The following FBN1 variants were observed in gnomAD, a reference collection of about 807,000 sequenced individuals.
FBN1 encodes the protein fibrillin 1, also known as fibrillin-1.
A neutral mutation model predicts 365.1 loss-of-function variants in FBN1; 29 were observed. The observed-to-expected ratio is 0.08, with a 90% CI of 0.06 to 0.11. The LOEUF is 0.11. Among genes scored for constraint, FBN1 ranks in the 10% least tolerant of loss-of-function variants. The pLI is 1.00. For synonymous variants in FBN1, 1,210 were observed against 1,270.5 expected (o/e 0.95, Z 1.01); for missense variants, 2,476 against 3,703.2 (o/e 0.67, Z 8.60).
intron 9 of FBN1, among the ~76,000 whole-genome samples, chr15:48,521,896 G>T (rs759546016): frequency 2.0e-5 from 3 of 152,228 alleles, no homozygotes; most frequent in Non-Finnish European, 4.4e-5. Flanking sequence ...CCCCAGTTCT[G>T]GTCTGTGGCG....
At chr15:48,536,005 G>GTT (rs2044009787) in intron 7 of FBN1, among the ~76,000 whole-genome samples, 1 of 152,144 alleles carries the variant, frequency 6.6e-6, no homozygotes, top group African/African-American at 2.4e-5. Context: ...TCTGAAGACA[G>GTT]AATAAGCTCC....
intron 6 of FBN1, among the ~76,000 whole-genome samples, chr15:48,542,831 A>G (rs866434397): frequency 0.01 from 832 of 81,714 alleles, 5 homozygotes; most frequent in African/African-American, 0.044. Flanking sequence ...GTGTGTGTGT[A>G]TTTTTTTTCC....
intron 2 of FBN1, among the ~76,000 whole-genome samples, chr15:48,628,300 G>GAA (rs61447805): frequency 5.1e-5 from 6 of 117,498 alleles, no homozygotes; most frequent in Admixed American, 8.7e-5. Context: ...ATTTCTTGAA[G>GAA]AAAAAAAAAA....
chr15:48,599,107 T>C (rs1184276060), intron 5 of FBN1, among the ~76,000 whole-genome samples: 1 of 152,202 alleles, frequency 6.6e-6, no homozygotes, highest in African/African-American at 2.4e-5. Flanking sequence ...TGGCCAGTCT[T>C]GGGTATGTCT....
intron 25 of FBN1, among the ~76,000 whole-genome samples, chr15:48,489,420 G>C (rs935388927): frequency 4.6e-5 from 7 of 151,908 alleles, no homozygotes; most frequent in African/African-American, 1.5e-4. Flanking sequence ...CATGTGACCT[G>C]AGTTTCCCAC....
chr15:48,601,697 A>C (rs1325283845), intron 4 of FBN1, among the ~76,000 whole-genome samples: 1 of 152,204 alleles, frequency 6.6e-6, no homozygotes, highest in African/African-American at 2.4e-5. Flanking sequence ...AGAAAGGGAC[A>C]ATTTTTATAA....
At chr15:48,427,450 T>C in intron 58 of FBN1, 117 bp downstream of exon 58, 1 of 1,088,890 alleles carries the variant, frequency 9.2e-7, no homozygotes, top group Middle Eastern at 2.9e-4. Flanking sequence ...TTTGTTGGCC[T>C]CAGCTGTGCA....
chr15:48,463,778 T>C, intron 41 of FBN1, 121 bp downstream of exon 41: 1 of 1,125,724 alleles, frequency 8.9e-7, no homozygotes, highest in South Asian at 1.3e-5. Context: ...AACAAGACAG[T>C]GAAGGGATGC....
At chr15:48,434,484 G>T in intron 54 of FBN1, 110 bp downstream of exon 54, 2 of 1,403,152 alleles carry the variant, frequency 1.4e-6, no homozygotes, top group Non-Finnish European at 2.0e-6. Context: ...AGGCCTAGAT[G>T]ATCTTTATTA....
chr15:48,514,752 G>A (rs983187415), intron 12 of FBN1, among the ~76,000 whole-genome samples: 10 of 152,116 alleles, frequency 6.6e-5, no homozygotes, highest in Admixed American at 4.6e-4. Flanking sequence ...TAATGGTAGG[G>A]CTTTTGGTAG....
intron 17 of FBN1, among the ~76,000 whole-genome samples, chr15:48,503,396 T>C (rs181480501): frequency 7.9e-5 from 12 of 152,214 alleles, no homozygotes; most frequent in African/African-American, 2.9e-4. Context: ...AATGGCCTTT[T>C]GGAAAGCTAG....
At chr15:48,447,665 T>C (rs181719893) in intron 46 of FBN1, among the ~76,000 whole-genome samples, 3,311 of 151,264 alleles carry the variant, frequency 0.022, 67 homozygotes, top group East Asian at 0.084. Flanking sequence ...AAGGATGAAA[T>C]GAGAGAGAGA....
At position 48,463,105 on chromosome 15, in the gene FBN1, T is replaced by A. The variant is rs749878633; in HGVS notation, c.5201A>T (p.Glu1734Val). Residue 1734 changes from glutamate to valine, a missense_variant, in exon 42 of 66, where the codon GAA becomes GTA. By Grantham distance (121) the Glu-to-Val change is moderately radical. This residue lies in a region of FBN1 where 1,780 missense variants were observed against 2,840.8 expected (regional missense o/e 0.63). Transcript: ENST00000316623. ...ACCTGTACTTGGGATGGGACACTGT[T>A]CACAGGGCTTGTTCCACGCCCGGCC... is the stretch of plus-strand genomic sequence containing the variant. ...NIGRAWNKPCEQCPIPSTDEF... is the reference protein window; with the variant it reads ...NIGRAWNKPCVQCPIPSTDEF... 5.6e-6 allele frequency: 9 copies of A among 1,614,002 alleles called. No homozygotes were observed.
chr15:48,498,723 G>A (rs537088500), intron 18 of FBN1, among the ~76,000 whole-genome samples: 4 of 152,072 alleles, frequency 2.6e-5, no homozygotes, highest in East Asian at 1.9e-4. Flanking sequence ...CATCATCTGC[G>A]AGCACCCATC....
chr15:48,632,372 A>G (rs1239081884), intron 2 of FBN1, among the ~76,000 whole-genome samples: 1 of 152,232 alleles, frequency 6.6e-6, no homozygotes, highest in Non-Finnish European at 1.5e-5. Flanking sequence ...TAACAGCATT[A>G]TAATCATTCT....
intron 43 of FBN1, 63 bp from the exon 44 acceptor site, chr15:48,456,825 C>A (rs2043242653): frequency 1.4e-6 from 2 of 1,463,694 alleles, no homozygotes; most frequent in East Asian, 5.0e-5. Context: ...CAGGGTAAGA[C>A]AAGATGGAAA....
chr15:48,416,402 T>A (rs997198094), intron 63 of FBN1, among the ~76,000 whole-genome samples: 5 of 152,312 alleles, frequency 3.3e-5, no homozygotes, highest in African/African-American at 1.2e-4. Context: ...TTCTGGGAGA[T>A]GAATAATGCC....
chr15:48,507,500 G>T (rs1259499247), intron 15 of FBN1, among the ~76,000 whole-genome samples: 1 of 152,106 alleles, frequency 6.6e-6, no homozygotes, highest in African/African-American at 2.4e-5. Flanking sequence ...AGACAGGTTT[G>T]CACAATATTA....
At chr15:48,569,691 T>C (rs1597610755) in intron 6 of FBN1, among the ~76,000 whole-genome samples, 1 of 152,044 alleles carries the variant, frequency 6.6e-6, no homozygotes, top group African/African-American at 2.4e-5. Context: ...AAAAGCCAAA[T>C]ATAAAATAAT....
Sources: allele counts gnomAD v4.1 joint callset (sites outside exome capture counted in the v4.1 genomes callset), GRCh38; gene constraint gnomAD v4.1.1; regional missense constraint gnomAD v4.1.1; transcripts MANE v1.5; gene names NCBI Gene and HGNC (gene_info 2026-07-23, HGNC 2026-07-21).